MTMR2: variants seen among roughly 807,000 people sequenced by gnomAD.
MTMR2 encodes myotubularin related protein 2.
In MTMR2, 55 loss-of-function variants were observed where a neutral mutation model predicts 86.9. The observed-to-expected ratio is 0.63, with a 90% CI of 0.51 to 0.79. The LOEUF is 0.79. MTMR2 is among the 30% of genes least tolerant of loss of function. The pLI is 0.00. For synonymous variants in MTMR2, 241 were observed against 266.8 expected (o/e 0.90, Z 0.94); for missense variants, 659 against 772.3 (o/e 0.85, Z 1.74).
chr11:95,835,538 T>TTTTCAGCTGTTGGAACCAA, intron 14 of MTMR2, 87 bp from the exon 15 acceptor site: 2 of 1,396,336 alleles, frequency 1.4e-6, no homozygotes, highest in Non-Finnish European at 2.0e-6. Flanking sequence ...AGTGTATGTT[T>TTTTCAGCTGTTGGAACCAA]TTTCAGCTGT....
intron 5 of MTMR2, among the ~76,000 whole-genome samples, chr11:95,859,256 ATAGTT>A (rs1400617351): frequency 6.6e-6 from 1 of 152,154 alleles, no homozygotes; most frequent in Admixed American, 6.5e-5. Context: ...ATAACTCTGA[ATAGTT>A]TAGTTTATAT....
intron 2 of MTMR2, among the ~76,000 whole-genome samples, chr11:95,886,412 T>G (rs1865513285): frequency 6.6e-6 from 1 of 152,198 alleles, no homozygotes; most frequent in African/African-American, 2.4e-5. Context: ...GGCCCTCATT[T>G]TGTCCAAATG....
chr11:95,853,733 C>T (rs1864108039), intron 7 of MTMR2, among the ~76,000 whole-genome samples: 1 of 152,164 alleles, frequency 6.6e-6, no homozygotes. Context: ...TGGACTTTAT[C>T]ATTTTGTTTC....
At chr11:95,868,753 G>C (rs1864734213) in intron 2 of MTMR2, among the ~76,000 whole-genome samples, 1 of 151,760 alleles carries the variant, frequency 6.6e-6, no homozygotes, top group African/African-American at 2.4e-5. Flanking sequence ...TAAGAATATA[G>C]GTGGAAAAAA....
At chr11:95,871,542 G>A (rs1331188935) in intron 2 of MTMR2, among the ~76,000 whole-genome samples, 1 of 152,172 alleles carries the variant, frequency 6.6e-6, no homozygotes, top group African/African-American at 2.4e-5. Flanking sequence ...GTCTCCTTTT[G>A]AGAAGTATCT....
chr11:95,864,606 C>T (rs989139862), intron 3 of MTMR2, among the ~76,000 whole-genome samples: 20 of 151,882 alleles, frequency 1.3e-4, no homozygotes, highest in African/African-American at 4.8e-4. Flanking sequence ...TATATAATAG[C>T]CAATTCTGAA....
chr11:95,855,600 A>C (rs1864181350), intron 7 of MTMR2, among the ~76,000 whole-genome samples: 2 of 152,268 alleles, frequency 1.3e-5, no homozygotes, highest in Non-Finnish European at 2.9e-5. Flanking sequence ...AAGACTATTA[A>C]GTGTAGATCT....
At position 95,834,984 on chromosome 11, in the gene MTMR2, A is replaced by C. The variant is rs1467408321; in HGVS notation, c.*306T>G. On this transcript the variant is annotated 3_prime_UTR_variant, in exon 15 of 15. Transcript: ENST00000346299. Reference sequence around the variant, plus strand: ...TGGTTTTAATATTACCAGATGCCAAAAATTTGTAACAGCATTTGCCTTTTA... The same window carrying C: ...TGGTTTTAATATTACCAGATGCCAACAATTTGTAACAGCATTTGCCTTTTA... 1.4e-5 allele frequency: 5 copies of C among 370,164 alleles called. No homozygotes were observed. The highest frequency in any genetic ancestry group is 2.6e-5 in the Non-Finnish European group (5 of 194,942). 22.9% of individuals were successfully genotyped at this position (370,164 alleles called of 1,614,324 possible). A position where few individuals can be genotyped will look rare whatever the true frequency, so the allele number is the denominator to read the frequency against.
At position 95,923,944 on chromosome 11, in the gene MTMR2, C is replaced by T. The variant is rs771823531; in HGVS notation, c.11G>A (p.Ser4Asn). MEK[S>N]SSCESLGSQP... ...GGAGCCAAGACTCTCGCAGCTCGAG[C>T]TCTTCTCCATCGCGCGGCAGGGGCA... Residue 4 changes from serine to asparagine, a missense_variant, in exon 1 of 15, where the codon AGC (serine) becomes AAC (asparagine). This residue lies in a region of MTMR2 where 79 missense variants were observed against 54.4 expected (regional missense o/e 1.45). Coordinates refer to ENST00000346299, the MANE Select transcript of MTMR2 (RefSeq NM_016156.6). 2 of 1,560,490 alleles carry T rather than the reference C, an allele frequency of 1.3e-6. No individual in the cohort carries two copies. Among genetic ancestry groups the T allele is most frequent in the African/African-American group, 1.4e-5 (1 of 73,726 alleles).
intron 1 of MTMR2, among the ~76,000 whole-genome samples, chr11:95,891,436 G>A (rs1219008985): frequency 1.4e-5 from 2 of 147,504 alleles, no homozygotes; most frequent in Non-Finnish European, 3.0e-5. Flanking sequence ...GGGCAACAGA[G>A]CAAGACTCTC....
chr11:95,834,623 T>C lies in MTMR2; in HGVS notation c.*667A>G, dbSNP rs1285337969. ...CTGTATGGCTACTTTCTCCCCTTCA[T>C]TTTCCCCCAAGCACATCTATAAGGC... is the stretch of plus-strand genomic sequence containing the variant. On this transcript the variant is annotated 3_prime_UTR_variant, in exon 15 of 15. Transcript: ENST00000346299. The C allele has an allele frequency of 6.6e-6, 1 of 152,390 alleles. No individual in the cohort carries two copies. Among genetic ancestry groups the C allele is most frequent in the Non-Finnish European group, 1.5e-5 (1 of 68,232 alleles). 9.4% of individuals were successfully genotyped at this position (152,390 alleles called of 1,614,324 possible).
In MTMR2 at chr11:95,852,511, T is replaced by G. The variant is rs538079768; in HGVS notation, c.655-1762A>C. On this transcript the variant is annotated intron_variant, in intron 7 of 14. Coordinates refer to ENST00000346299, the MANE Select transcript of MTMR2 (RefSeq NM_016156.6). ...AATAGCGCTTCTATTTATCCCTAAC[T>G]GTTCTTTCATTACTACCTTACATCC... is the stretch of plus-strand genomic sequence containing the variant. 3.9e-5 allele frequency among the ~76,000 whole-genome samples: 6 copies of G among 152,340 alleles called. No homozygotes were observed. The South Asian group carries it at 1.0e-3, about 26-fold the overall frequency.
chr11:95,847,093 A>C (rs2135432032), intron 10 of MTMR2, among the ~76,000 whole-genome samples: 1 of 152,320 alleles, frequency 6.6e-6, no homozygotes, highest in East Asian at 1.9e-4. Flanking sequence ...AGATTAAATT[A>C]GCATGTTAGG....
At chr11:95,901,862 A>C (rs928541931) in intron 1 of MTMR2, among the ~76,000 whole-genome samples, 1 of 152,068 alleles carries the variant, frequency 6.6e-6, no homozygotes, top group African/African-American at 2.4e-5. Context: ...CTACAGAGAC[A>C]GTAAGTATCT....
intron 1 of MTMR2, among the ~76,000 whole-genome samples, chr11:95,889,197 G>T (rs117941339): frequency 0.025 from 3,747 of 150,370 alleles, 52 homozygotes; most frequent in Middle Eastern, 0.058. Flanking sequence ...GCAATGGTGC[G>T]ATCTCCGGTC....
At chr11:95,907,161 A>G (rs1462487519) in intron 1 of MTMR2, among the ~76,000 whole-genome samples, 2 of 152,064 alleles carry the variant, frequency 1.3e-5, no homozygotes, top group Non-Finnish European at 2.9e-5. Flanking sequence ...AATAAACACA[A>G]TCAGAAATGA....
Position 95,835,197 on chromosome 11 carries a change from T to TAGATGG in MTMR2, c.*87_*92dup. 1 of 1,301,854 alleles carries TAGATGG rather than the reference T, an allele frequency of 7.7e-7. No individual in the cohort carries two copies. The highest frequency in any genetic ancestry group is 1.1e-6 in the Non-Finnish European group (1 of 909,434). 80.6% of individuals were successfully genotyped at this position (1,301,854 alleles called of 1,614,324 possible). A position where few individuals can be genotyped will look rare whatever the true frequency, so the allele number is the denominator to read the frequency against. The stretch of plus-strand genomic sequence containing the variant: ...AATAAAGTGACTGAACTTTCTCTCA[T>TAGATGG]AGATGGGTTCTAAATTCCGAAGACT... On this transcript the variant is annotated 3_prime_UTR_variant, in exon 15 of 15. Coordinates refer to ENST00000346299, the MANE Select transcript of MTMR2 (RefSeq NM_016156.6).
chr11:95,907,026 G>T (rs1335443040), intron 1 of MTMR2, among the ~76,000 whole-genome samples: 1 of 152,056 alleles, frequency 6.6e-6, no homozygotes, highest in African/African-American at 2.4e-5. Context: ...GAGCTGAACT[G>T]AATGAAATTG....
chr11:95,885,083 C>A (rs10501832), intron 2 of MTMR2, among the ~76,000 whole-genome samples: 8,991 of 152,028 alleles, frequency 0.059, 350 homozygotes, highest in Middle Eastern at 0.11. Flanking sequence ...TACATTGAAA[C>A]AATTCCTGCA....
Sources: allele counts gnomAD v4.1 joint callset (sites outside exome capture counted in the v4.1 genomes callset), GRCh38; gene constraint gnomAD v4.1.1; regional missense constraint gnomAD v4.1.1; transcripts MANE v1.5; gene names NCBI Gene and HGNC (gene_info 2026-07-23, HGNC 2026-07-21).